The following ENOX2 variants were observed in gnomAD, a reference collection of about 807,000 sequenced individuals.
The protein encoded by ENOX2 is APK1 antigen.
ENOX2 carries 36 observed loss-of-function variants against 45.0 expected under a neutral mutation model. The observed-to-expected ratio is 0.80, with a 90% CI of 0.61 to 1.06. ENOX2 has a LOEUF of 1.06. Ranked by LOEUF, ENOX2 falls within the 50% of genes least tolerant of loss-of-function variation. The probability of loss-of-function intolerance (pLI) is 0.00; values close to 1 mark genes in which losing one functional copy is unlikely to be tolerated. For missense variants in ENOX2, 423 were observed against 462.5 expected (o/e 0.91, Z 0.78); for synonymous variants, 174 against 152.3 (o/e 1.14, Z -1.05).
intron 3 of ENOX2, among the ~76,000 whole-genome samples, chrX:130,726,310 C>A (rs977412642): frequency 6.2e-5 from 7 of 112,054 alleles, no homozygotes; most frequent in African/African-American, 2.3e-4. Context: ...GCAGAGGCTC[C>A]ATGGGTAGGA....
chrX:130,838,897 A>C (rs764118310), intron 2 of ENOX2, among the ~76,000 whole-genome samples: 37 of 111,894 alleles, frequency 3.3e-4, no homozygotes, highest in Non-Finnish European at 5.3e-4. Context: ...TTACTGAATC[A>C]GAGGAGTTGC....
intron 2 of ENOX2, among the ~76,000 whole-genome samples, chrX:130,900,692 T>G (rs1987488928): frequency 8.9e-6 from 1 of 112,049 alleles, no homozygotes; most frequent in Non-Finnish European, 1.9e-5. Context: ...TCACTATCCT[T>G]CAAGACCTAT....
intron 9 of ENOX2, 92 bp from the exon 10 acceptor site, chrX:130,656,787 T>G (rs963358834): frequency 7.5e-6 from 4 of 533,985 alleles, no homozygotes; most frequent in Non-Finnish European, 1.3e-5. Context: ...CAGCATTTTT[T>G]TTTGACATAT....
chrX:130,682,239 T>C (rs1011349930), intron 5 of ENOX2, among the ~76,000 whole-genome samples: 2 of 110,349 alleles, frequency 1.8e-5, no homozygotes, highest in East Asian at 5.7e-4. Flanking sequence ...TTAGGTCCAC[T>C]GAGAGACTCT....
chrX:130,695,993 A>ACAATGACTCT (rs1401149026), intron 4 of ENOX2, among the ~76,000 whole-genome samples: 3 of 111,745 alleles, frequency 2.7e-5, no homozygotes, highest in African/African-American at 9.8e-5. Flanking sequence ...AAATTTTTTT[A>ACAATGACTCT]CAATGACTCT....
At position 130,665,747 on chromosome X, in the gene ENOX2, C is replaced by T. The variant is rs763168882; in HGVS notation, c.910G>A (p.Glu304Lys). ...QALSGILIQF[E>K]QIVAVYHSAS... ...GAATGGTACACAGCCACTATCTGCT[C>T]AACTGCAGCATCAAATCAGCAGTTG... Residue 304 changes from glutamate (E) to lysine (K), a missense_variant and splice_region_variant, in exon 9 of 15, where the codon GAG (glutamate) becomes AAG (lysine). By Grantham distance (56) the Glu-to-Lys change is moderately conservative. Coordinates refer to ENST00000394363, the MANE Select transcript of ENOX2 (RefSeq NM_006375.4). The T allele has an allele frequency of 6.0e-6, 7 of 1,157,822 alleles. No homozygotes were observed. In the South Asian group the frequency reaches 1.3e-4, roughly 21 times the overall value.
chrX:130,709,861 A>G (rs1262403094), intron 3 of ENOX2, among the ~76,000 whole-genome samples: 2 of 108,378 alleles, frequency 1.8e-5, no homozygotes, highest in African/African-American at 6.7e-5. Context: ...AGTTTGCTGC[A>G]CCCATCAAGC....
chrX:130,881,533 T>C (rs1421272130), intron 2 of ENOX2, among the ~76,000 whole-genome samples: 1 of 112,168 alleles, frequency 8.9e-6, no homozygotes, highest in Admixed American at 9.4e-5. Flanking sequence ...ATGTCTTAGG[T>C]AACGCTGTCA....
intron 2 of ENOX2, among the ~76,000 whole-genome samples, chrX:130,896,347 C>A (rs1320969419): frequency 9.1e-6 from 1 of 110,311 alleles, no homozygotes; most frequent in East Asian, 2.8e-4. Context: ...CCTAGCTATC[C>A]CACTGAGAAA....
intron 2 of ENOX2, among the ~76,000 whole-genome samples, chrX:130,814,478 CA>C (rs2077447129): frequency 8.9e-6 from 1 of 111,874 alleles, no homozygotes; most frequent in African/African-American, 3.3e-5. Flanking sequence ...GGTCGACAGA[CA>C]CTTCATACAG....
chrX:130,632,449 GCTCTTTCTTT>G (rs1569476954), intron 12 of ENOX2, among the ~76,000 whole-genome samples: 1 of 105,352 alleles, frequency 9.5e-6, no homozygotes, highest in Non-Finnish European at 1.9e-5. Flanking sequence ...ACCTTTCATG[GCTCTTTCTTT>G]CTCTCTTTGG....
At chrX:130,886,329 A>G (rs926902835) in intron 2 of ENOX2, among the ~76,000 whole-genome samples, 2 of 112,904 alleles carry the variant, frequency 1.8e-5, no homozygotes, top group East Asian at 5.5e-4. Context: ...AACAATGGAG[A>G]TGAAAGTCCT....
At chrX:130,901,480 T>C (rs954508808) in intron 2 of ENOX2, among the ~76,000 whole-genome samples, 3 of 112,720 alleles carry the variant, frequency 2.7e-5, no homozygotes, top group Admixed American at 9.3e-5. Context: ...GTTCAATAAA[T>C]AGCAGTCATT....
At chrX:130,876,836 C>T (rs993391850) in intron 2 of ENOX2, among the ~76,000 whole-genome samples, 4 of 111,341 alleles carry the variant, frequency 3.6e-5, no homozygotes, top group African/African-American at 1.3e-4. Flanking sequence ...GAGATTTTGG[C>T]TTATTTATGC....
chrX:130,645,727 T>G (rs2036214342), intron 10 of ENOX2: 1 of 764,088 alleles, frequency 1.3e-6, no homozygotes, highest in South Asian at 2.5e-5. Flanking sequence ...GCTGGGATGG[T>G]GAACCTAGCA....
At chrX:130,790,382 T>C (rs2077025661) in intron 2 of ENOX2, among the ~76,000 whole-genome samples, 1 of 112,062 alleles carries the variant, frequency 8.9e-6, no homozygotes. Context: ...AAGTCTCTCA[T>C]AAAAAGGCCG....
At chrX:130,792,560 C>T (rs962710378) in intron 2 of ENOX2, among the ~76,000 whole-genome samples, 7 of 111,607 alleles carry the variant, frequency 6.3e-5, no homozygotes, top group African/African-American at 1.6e-4. Context: ...TTTGGGAGGC[C>T]GAGGTGGGTG....
intron 2 of ENOX2, among the ~76,000 whole-genome samples, chrX:130,872,469 G>A (rs1457560956): frequency 9.0e-6 from 1 of 111,728 alleles, no homozygotes; most frequent in African/African-American, 3.3e-5. Context: ...TTCAGCATCA[G>A]CCTATGTTTA....
chrX:130,759,699 C>G (rs2039436121), intron 3 of ENOX2, among the ~76,000 whole-genome samples: 1 of 108,634 alleles, frequency 9.2e-6, no homozygotes, highest in South Asian at 4.0e-4. Context: ...GTCTTGATTA[C>G]TGTAGCTATA....
Sources: gnomAD v4.1 joint callset for allele counts (sites outside exome capture counted in the v4.1 genomes callset) on GRCh38, gnomAD v4.1.1 for gene constraint, MANE v1.5 for transcripts, NCBI Gene and HGNC (gene_info 2026-07-23, HGNC 2026-07-21) for gene names.